Variants in PTPRJ observed in about 807,000 individuals in gnomAD.
PTPRJ encodes receptor-type tyrosine-protein phosphatase eta.
In PTPRJ, 129 loss-of-function variants were observed where a neutral mutation model predicts 141.3. The observed-to-expected ratio is 0.91, with a 90% CI of 0.79 to 1.06. The LOEUF (loss-of-function observed/expected upper bound fraction) is 1.06, where lower values mean the gene tolerates loss of function less well. Ranked by LOEUF, PTPRJ falls within the 50% of genes least tolerant of loss-of-function variation. The pLI is 0.00. For missense variants in PTPRJ, 1,601 were observed against 1,679.7 expected, an observed-to-expected ratio of 0.95 and a Z score of 0.82; for synonymous variants, 610 against 640.5, an observed-to-expected ratio of 0.95 and a Z score of 0.72.
At chr11:47,990,036 A>G (rs549651599) in intron 1 of PTPRJ, among the ~76,000 whole-genome samples, 1 of 152,344 alleles carries the variant, frequency 6.6e-6, no homozygotes, top group South Asian at 2.1e-4. Flanking sequence ...TAAACACAGC[A>G]TTTTATAAAA....
rs748881090 is a variant in PTPRJ, at chr11:48,146,932, G to C, written c.2968G>C (p.Val990Leu). 2.2e-5 allele frequency: 35 copies of C among 1,613,982 alleles called. No individual in the cohort carries two copies. Among genetic ancestry groups the C allele is most frequent in the Non-Finnish European group, 2.8e-5 (33 of 1,179,996 alleles). Reference sequence around the variant, plus strand: ...CTTTGGTGCCCTGGTTATTGTGACTGTGGGAGGCTTCATCTTCTGGAGAAA... The same window carrying C: ...CTTTGGTGCCCTGGTTATTGTGACTCTGGGAGGCTTCATCTTCTGGAGAAA... ...CIFGALVIVT[V>L]GGFIFWRKKR... The change falls in exon 15 of 25, where the codon GTG becomes CTG. Residue 990 changes from valine (V) to leucine (L), a missense_variant. Transcript: ENST00000418331.
chr11:48,018,908 T>C (rs1198705949), intron 1 of PTPRJ, among the ~76,000 whole-genome samples: 2 of 152,124 alleles, frequency 1.3e-5, no homozygotes, highest in African/African-American at 4.8e-5. Context: ...AGGCCCTCCT[T>C]CTCCCCGACC....
chr11:48,067,762 T>A (rs2134268467), intron 1 of PTPRJ, among the ~76,000 whole-genome samples: 1 of 152,238 alleles, frequency 6.6e-6, no homozygotes, highest in East Asian at 1.9e-4. Flanking sequence ...GTTCTTCTAG[T>A]CTCCTATCTA....
chr11:47,981,126 C>T lies in PTPRJ; in HGVS notation c.96+118C>T, dbSNP rs904228372. The T allele has an allele frequency of 1.8e-4, 186 of 1,023,362 alleles. 1 individual carries two copies. In the African/African-American group the frequency reaches 2.7e-3, roughly 15 times the overall value. The allele number at this position is 1,023,362 out of a possible 1,614,324, so 63.4% of individuals were successfully genotyped here. ...CGGGGAAGGGGGCGGGGGTCCGGAT[C>T]CCCGGATCCCCGGAAGGCGACTTGC... On this transcript the variant is annotated intron_variant, in intron 1 of 24. Transcript: ENST00000418331.
chr11:47,982,949 A>C (rs1853950830), intron 1 of PTPRJ, among the ~76,000 whole-genome samples: 14 of 152,096 alleles, frequency 9.2e-5, no homozygotes, highest in Admixed American at 9.2e-4. Context: ...CTCCCAGAAG[A>C]AGCATCTTCA....
At chr11:48,015,245 A>G (rs1854920713) in intron 1 of PTPRJ, among the ~76,000 whole-genome samples, 1 of 151,956 alleles carries the variant, frequency 6.6e-6, no homozygotes, top group Non-Finnish European at 1.5e-5. Context: ...CAGGCCGGGA[A>G]AGAGGTATTT....
chr11:48,052,925 A>G (rs1005743856), intron 1 of PTPRJ, among the ~76,000 whole-genome samples: 3 of 151,100 alleles, frequency 2.0e-5, no homozygotes, highest in African/African-American at 7.3e-5. Context: ...TGGCAGCCAC[A>G]GAGATGAGGG....
chr11:48,001,649 C>T (rs1299704605), intron 1 of PTPRJ, among the ~76,000 whole-genome samples: 1 of 152,162 alleles, frequency 6.6e-6, no homozygotes, highest in Non-Finnish European at 1.5e-5. Flanking sequence ...AGTGAATCCT[C>T]ATGACACCCT....
chr11:48,102,477 T>C (rs938474425), intron 1 of PTPRJ, among the ~76,000 whole-genome samples: 1 of 152,104 alleles, frequency 6.6e-6, no homozygotes, highest in African/African-American at 2.4e-5. Flanking sequence ...GGTGCGATCT[T>C]GGCTCACTGC....
At chr11:48,052,029 G>A (rs1315742777) in intron 1 of PTPRJ, among the ~76,000 whole-genome samples, 1 of 152,192 alleles carries the variant, frequency 6.6e-6, no homozygotes, top group Non-Finnish European at 1.5e-5. Flanking sequence ...TGATGATGGC[G>A]ATGGTGCTTA....
intron 14 of PTPRJ, among the ~76,000 whole-genome samples, chr11:48,146,620 G>A (rs73468842): frequency 2.0e-5 from 3 of 152,172 alleles, no homozygotes; most frequent in African/African-American, 7.2e-5. Context: ...GAGAGGAACA[G>A]TAACTTTCTC....
chr11:48,005,606 G>GTCGTTTGGGTCATTTCTACTTTT (rs1854601767), intron 1 of PTPRJ, among the ~76,000 whole-genome samples: 1 of 152,200 alleles, frequency 6.6e-6, no homozygotes, highest in Non-Finnish European at 1.5e-5. Flanking sequence ...TGAGCTGATG[G>GTCGTTTGGGTCATTTCTACTTTT]TCGTTTGGGT....
intron 24 of PTPRJ, among the ~76,000 whole-genome samples, chr11:48,165,778 CCTG>C (rs1223367927): frequency 6.6e-6 from 1 of 152,084 alleles, no homozygotes; most frequent in Non-Finnish European, 1.5e-5. Flanking sequence ...AACTCTTATC[CCTG>C]CTACTAGAGT....
chr11:48,127,137 C>T (rs1856856055), intron 6 of PTPRJ, among the ~76,000 whole-genome samples: 1 of 152,206 alleles, frequency 6.6e-6, no homozygotes, highest in Non-Finnish European at 1.5e-5. Context: ...GGTCACAGCC[C>T]ATGTGGCAAG....
intron 1 of PTPRJ, among the ~76,000 whole-genome samples, chr11:48,049,137 T>C (rs1248226869): frequency 2.6e-5 from 4 of 151,648 alleles, no homozygotes; most frequent in Non-Finnish European, 4.4e-5. Context: ...GTCTGATGAG[T>C]CTTTGTTGTG....
rs567567097 is a variant in PTPRJ, at chr11:48,008,567, A to T, written c.96+27559A>T. Among the ~76,000 whole-genome samples the T allele has an allele frequency of 2.2e-5, 3 of 136,362 alleles. No individual in the cohort carries two copies. The East Asian group carries it at 6.8e-4, about 31-fold the overall frequency. 89.5% of individuals were successfully genotyped at this position (136,362 alleles called of 152,430 possible). On this transcript the variant is annotated intron_variant, in intron 1 of 24. Transcript: ENST00000418331. ...GCCACCATGCCTGGCCTATTTATTT[A>T]TTTTTTATTTTTTTGAGTTGAAGTT...
intron 1 of PTPRJ, among the ~76,000 whole-genome samples, chr11:48,055,201 T>A (rs1201239812): frequency 5.3e-5 from 8 of 151,286 alleles, no homozygotes; most frequent in African/African-American, 1.7e-4. Context: ...AAAAAAAAAA[T>A]AAATAAAGCC....
chr11:48,134,215 A>C (rs957529380), intron 8 of PTPRJ, among the ~76,000 whole-genome samples: 1 of 152,232 alleles, frequency 6.6e-6, no homozygotes, highest in Non-Finnish European at 1.5e-5. Flanking sequence ...TTTTGCTTGT[A>C]TACTGTAATT....
At chr11:48,153,679 A>G (rs1275763434) in intron 18 of PTPRJ, 117 bp from the exon 19 acceptor site, 15 of 654,086 alleles carry the variant, frequency 2.3e-5, no homozygotes, top group African/African-American at 3.7e-5. Context: ...TTCTATGTTT[A>G]TTCAAAAACA....
Sources: gnomAD v4.1 joint callset for allele counts (sites outside exome capture counted in the v4.1 genomes callset) on GRCh38, gnomAD v4.1.1 for gene constraint, MANE v1.5 for transcripts, NCBI Gene and HGNC (gene_info 2026-07-23, HGNC 2026-07-21) for gene names.